VEGFC: variants seen among roughly 807,000 people sequenced by gnomAD.
VEGFC encodes vascular endothelial growth factor C.
In VEGFC, 12 loss-of-function variants were observed where a neutral mutation model predicts 46.1. That is an observed-to-expected ratio of 0.26 (90% CI 0.17 to 0.42). The LOEUF (loss-of-function observed/expected upper bound fraction) is 0.42. VEGFC is among the 10% of genes least tolerant of loss of function. VEGFC has a pLI of 1.00. For synonymous variants in VEGFC, 232 were observed against 195.5 expected, an observed-to-expected ratio of 1.19 and a Z score of -1.56; for missense variants, 488 against 529.4, an observed-to-expected ratio of 0.92 and a Z score of 0.77.
intron 4 of VEGFC, among the ~76,000 whole-genome samples, chr4:176,694,697 C>T (rs527566658): frequency 1.5e-4 from 22 of 146,868 alleles, no homozygotes; most frequent in African/African-American, 2.9e-4. Flanking sequence ...CACCACACCA[C>T]ACCTATTCCA....
chr4:176,767,755 A>G (rs1735652233), intron 1 of VEGFC, among the ~76,000 whole-genome samples: 1 of 152,222 alleles, frequency 6.6e-6, no homozygotes, highest in Non-Finnish European at 1.5e-5. Context: ...GGCCTTACAT[A>G]TAACAGGAGA....
chr4:176,694,393 A>G (rs538649342), intron 4 of VEGFC, among the ~76,000 whole-genome samples: 168 of 152,354 alleles, frequency 1.1e-3, no homozygotes, highest in Middle Eastern at 6.8e-3. Context: ...AGGCCATTAC[A>G]TAATCGTAAA....
intron 1 of VEGFC, among the ~76,000 whole-genome samples, chr4:176,758,762 T>C (rs1735478320): frequency 6.6e-6 from 1 of 152,174 alleles, no homozygotes; most frequent in African/African-American, 2.4e-5. Context: ...TGCATTCAAA[T>C]ACCAGTCGTC....
intron 1 of VEGFC, among the ~76,000 whole-genome samples, chr4:176,779,225 A>G (rs1363055954): frequency 6.6e-6 from 1 of 152,190 alleles, no homozygotes; most frequent in East Asian, 1.9e-4. Context: ...TGATTTTCCA[A>G]AAGAATTTAA....
chr4:176,736,359 T>C (rs1478846276), intron 1 of VEGFC, among the ~76,000 whole-genome samples: 1 of 151,794 alleles, frequency 6.6e-6, no homozygotes, highest in African/African-American at 2.4e-5. Context: ...TATAGGCCGA[T>C]ATATAATAGT....
intron 1 of VEGFC, among the ~76,000 whole-genome samples, chr4:176,768,014 CA>C (rs1340751979): frequency 1.3e-5 from 2 of 152,112 alleles, no homozygotes; most frequent in Non-Finnish European, 2.9e-5. Flanking sequence ...AGAAAGAAGT[CA>C]AGGATGATAC....
intron 1 of VEGFC, among the ~76,000 whole-genome samples, chr4:176,765,085 T>C (rs1735595904): frequency 6.6e-6 from 1 of 152,060 alleles, no homozygotes; most frequent in South Asian, 2.1e-4. Context: ...AACTAGTATG[T>C]TTGAGAAAAC....
chr4:176,698,822 G>A (rs925333780), intron 4 of VEGFC, among the ~76,000 whole-genome samples: 5 of 151,982 alleles, frequency 3.3e-5, no homozygotes, highest in East Asian at 3.9e-4. Flanking sequence ...ATCTTTCTGT[G>A]TCTGGCTTAT....
intron 1 of VEGFC, among the ~76,000 whole-genome samples, chr4:176,755,875 T>G (rs1560956660): frequency 6.6e-6 from 1 of 152,046 alleles, no homozygotes; most frequent in African/African-American, 2.4e-5. Flanking sequence ...AAGTAATGCA[T>G]TATTTACTGT....
At chr4:176,731,491 A>C (rs1280637167) in intron 1 of VEGFC, among the ~76,000 whole-genome samples, 2 of 151,958 alleles carry the variant, frequency 1.3e-5, no homozygotes, top group Non-Finnish European at 2.9e-5. Flanking sequence ...TTGGAAAAAA[A>C]ACAGTGTACA....
intron 1 of VEGFC, among the ~76,000 whole-genome samples, chr4:176,788,443 G>A (rs1420878678): frequency 6.6e-6 from 1 of 152,220 alleles, no homozygotes; most frequent in African/African-American, 2.4e-5. Context: ...CAGAGGGGCT[G>A]AAAGGAGTCT....
intron 1 of VEGFC, among the ~76,000 whole-genome samples, chr4:176,791,668 G>A (rs1736095653): frequency 4.6e-5 from 7 of 152,134 alleles, no homozygotes; most frequent in Admixed American, 4.6e-4. Context: ...GGTTACTAAA[G>A]TCCCTGACAC....
At chr4:176,721,692 C>G (rs540054800) in intron 3 of VEGFC, among the ~76,000 whole-genome samples, 2 of 152,256 alleles carry the variant, frequency 1.3e-5, no homozygotes, top group Non-Finnish European at 2.9e-5. Context: ...TTTACTAAGA[C>G]ACAGAACACT....
Position 176,687,474 on chromosome 4 carries a change from C to T in VEGFC, c.858G>A (p.Leu286=). 2 of 1,613,366 alleles carry T rather than the reference C, an allele frequency of 1.2e-6. No individual in the cohort carries two copies. The highest frequency in any genetic ancestry group is 1.7e-6 in the Non-Finnish European group (2 of 1,179,670). ...AGACACACTGACAGGTCTCTTCATC[C>T]AGCTCCTTGTTTGGTCCACAGATGT... ...FHDICGPNKE[L]DEETCQCVCR... is the part of the protein sequence containing the mutation. The change falls in exon 6 of 7, where the codon CTG becomes CTA. Residue 286 remains leucine (L), a synonymous_variant. Transcript: ENST00000618562.
intron 3 of VEGFC, among the ~76,000 whole-genome samples, chr4:176,723,672 C>T (rs1431812463): frequency 8.1e-6 from 1 of 123,384 alleles, no homozygotes; most frequent in Non-Finnish European, 1.6e-5. Context: ...TTAGGTTTCG[C>T]GGTGCATATG....
intron 1 of VEGFC, among the ~76,000 whole-genome samples, chr4:176,740,121 T>G (rs1298728959): frequency 1.6e-5 from 2 of 127,058 alleles, no homozygotes; most frequent in Non-Finnish European, 3.2e-5. Context: ...ATATATATTC[T>G]ATATATAGAA....
rs1553997021 is a variant in VEGFC, at chr4:176,770,979, T to TACACAA, written c.147+21185_147+21186insTTGTGT. Among the ~76,000 whole-genome samples the TACACAA allele has an allele frequency of 2.0e-5, 3 of 148,522 alleles. No individual in the cohort carries two copies. The East Asian group carries it at 6.0e-4, about 30-fold the overall frequency. On this transcript the variant is annotated intron_variant, in intron 1 of 6. Transcript: ENST00000618562. ...TTCAATTGAAGGTGCAAGTAACTGA[T>TACACAA]ACACACACACACACACACACACACA...
chr4:176,708,526 C>A (rs1734573767), intron 4 of VEGFC, among the ~76,000 whole-genome samples: 1 of 151,760 alleles, frequency 6.6e-6, no homozygotes, highest in South Asian at 2.1e-4. Flanking sequence ...TAAAAGGATC[C>A]TTGGGGTTGT....
chr4:176,732,659 C>G (rs1310775051), intron 1 of VEGFC, among the ~76,000 whole-genome samples: 4 of 150,884 alleles, frequency 2.7e-5, no homozygotes, highest in African/African-American at 9.7e-5. Flanking sequence ...CATTGCTTAG[C>G]TATTCAGAAG....
Sources: gnomAD v4.1 joint callset for allele counts (sites outside exome capture counted in the v4.1 genomes callset) on GRCh38, gnomAD v4.1.1 for gene constraint, MANE v1.5 for transcripts, NCBI Gene and HGNC (gene_info 2026-07-23, HGNC 2026-07-21) for gene names.